The following BGN variants were observed in gnomAD, a reference collection of about 807,000 sequenced individuals.
The protein encoded by BGN is bone/cartilage proteoglycan-I.
BGN carries 6 observed loss-of-function variants against 20.0 expected under a neutral mutation model. The observed-to-expected ratio is 0.30, with a 90% confidence interval of 0.16 to 0.59. BGN has a LOEUF of 0.59. BGN is among the 20% of genes least tolerant of loss of function. The probability of loss-of-function intolerance (pLI) is 0.88; values close to 1 mark genes in which losing one functional copy is unlikely to be tolerated. For synonymous variants in BGN, 146 were observed against 134.6 expected, an observed-to-expected ratio of 1.08 and a Z score of -0.59; for missense variants, 292 against 312.1, an observed-to-expected ratio of 0.94 and a Z score of 0.49.
At position 153,509,223 on chromosome X, in the gene BGN, C is replaced by G. The variant is rs1211847948; in HGVS notation, c.*778C>G. The G allele has an allele frequency of 8.9e-6, 1 of 111,847 alleles. No homozygotes were observed. The highest frequency in any genetic ancestry group is 1.9e-5 in the Non-Finnish European group (1 of 53,529). The allele number at this position is 111,847 out of a possible 1,213,427, so 9.2% of individuals were successfully genotyped here. A position where few individuals can be genotyped will look rare whatever the true frequency, so the allele number is the denominator to read the frequency against. ...ACACCCTCTGGCCTTCTGCCTTGAGCTGGGACTGCTTTCTGTCTGTCCGGC... is the reference window on the plus strand; with the variant it reads ...ACACCCTCTGGCCTTCTGCCTTGAGGTGGGACTGCTTTCTGTCTGTCCGGC... On this transcript the variant is annotated 3_prime_UTR_variant, in exon 8 of 8. Coordinates refer to ENST00000331595, the MANE Select transcript of BGN (RefSeq NM_001711.6).
At position 153,508,292 on chromosome X, in the gene BGN, C is replaced by T. The variant is rs1357283426; in HGVS notation, c.954C>T (p.Asn318=). The change falls in exon 8 of 8, where the codon AAC becomes AAT. Residue 318 remains asparagine (N), a synonymous_variant. Transcript: ENST00000331595. ...HSNNITKVGV[N]DFCPMGFGVK... ...ACAACATCACCAAAGTGGGTGTCAA[C>T]GACTTCTGTCCCATGGGCTTCGGGG... 9.1e-6 allele frequency: 11 copies of T among 1,210,965 alleles called. No individual in the cohort carries two copies. The highest frequency in any genetic ancestry group is 1.2e-5 in the Non-Finnish European group (11 of 895,426).
chrX:153,497,818 G>A (rs939086203), intron 1 of BGN, among the ~76,000 whole-genome samples: 56 of 112,023 alleles, frequency 5.0e-4, no homozygotes, highest in African/African-American at 1.8e-3. Flanking sequence ...CCCACAGCCA[G>A]AAGCCCCTTC....
At chrX:153,505,770 C>A in intron 3 of BGN, 93 bp from the exon 4 acceptor site, 2 of 793,758 alleles carry the variant, frequency 2.5e-6, no homozygotes. Flanking sequence ...CTCCTCGAGG[C>A]CCAGTGGGCT....
intron 1 of BGN, among the ~76,000 whole-genome samples, chrX:153,498,825 G>A (rs782746030): frequency 8.9e-6 from 1 of 112,634 alleles, no homozygotes; most frequent in South Asian, 3.7e-4. Flanking sequence ...CCTGCTGGCT[G>A]TGTTGGGGCT....
At chrX:153,505,160 GT>G (rs2089790027) in intron 2 of BGN, 77 bp from the exon 3 acceptor site, 1 of 849,605 alleles carries the variant, frequency 1.2e-6, no homozygotes, top group African/African-American at 2.1e-5. Context: ...GGGCCCCTAG[GT>G]CTCGAGTTCA....
chrX:153,495,266 C>T (rs782766923), intron 1 of BGN, 153 bp downstream of exon 1: 2 of 112,019 alleles, frequency 1.8e-5, no homozygotes, highest in African/African-American at 6.5e-5. Context: ...GATCCACGCC[C>T]CTTCATCGCC....
intron 1 of BGN, among the ~76,000 whole-genome samples, chrX:153,496,950 C>T (rs1164418607): frequency 1.6e-5 from 1 of 63,975 alleles, no homozygotes; most frequent in Non-Finnish European, 2.8e-5. Context: ...CTTCCCGGGC[C>T]CACCCCCCAC....
intron 4 of BGN, 23 bp from the exon 5 acceptor site, chrX:153,506,506 G>T: frequency 1.7e-6 from 2 of 1,194,007 alleles, no homozygotes; most frequent in Non-Finnish European, 2.3e-6. Flanking sequence ...CAGGCTCCCG[G>T]GCTAATGAGG....
At position 153,507,282 on chromosome X, in the gene BGN, C is replaced by T. The variant is rs192843915; in HGVS notation, c.909+97C>T. On this transcript the variant is annotated intron_variant, in intron 7 of 7. Transcript: ENST00000331595. ...CCCTCAGTCCCCTGGCCCTCCTTCC[C>T]GACCGGCTCTGGGCATCTGCAAGGG... The T allele has an allele frequency of 6.3e-4, 660 of 1,048,984 alleles. 3 individuals are homozygous for T. In the East Asian group the frequency reaches 0.019, roughly 31 times the overall value. The allele number at this position is 1,048,984 out of a possible 1,213,427, so 86.4% of individuals were successfully genotyped here.
intron 3 of BGN, 149 bp from the exon 4 acceptor site, chrX:153,505,714 G>T (rs2089795434): frequency 3.9e-6 from 2 of 508,204 alleles, no homozygotes; most frequent in African/African-American, 4.8e-5. Flanking sequence ...ACCGGGCCTG[G>T]GTGCTGCCTC....
chrX:153,495,580 C>T (rs2089706778), intron 1 of BGN: 1 of 112,011 alleles, frequency 8.9e-6, no homozygotes, highest in South Asian at 3.8e-4. Flanking sequence ...GCGCCTGGCC[C>T]GGGTTGGGTC....
At chrX:153,502,321 C>A (rs2089766288) in intron 1 of BGN, among the ~76,000 whole-genome samples, 1 of 112,324 alleles carries the variant, frequency 8.9e-6, no homozygotes, top group Non-Finnish European at 1.9e-5. Context: ...CCAGCCCTGA[C>A]TCACTCTCCC....
intron 1 of BGN, among the ~76,000 whole-genome samples, chrX:153,496,675 A>T (rs2089717132): frequency 8.9e-6 from 1 of 111,939 alleles, no homozygotes; most frequent in South Asian, 3.7e-4. Flanking sequence ...CATTAACCCT[A>T]CCAACGCATA....
Position 153,509,109 on chromosome X carries a change from T to C in BGN, c.*664T>C. 1 of 100,036 alleles carries C rather than the reference T, an allele frequency of 1.0e-5. No homozygotes were observed. The highest frequency in any genetic ancestry group is 1.9e-5 in the Non-Finnish European group (1 of 52,009). The allele number at this position is 100,036 out of a possible 1,213,427, so 8.2% of individuals were successfully genotyped here. A position where few individuals can be genotyped will look rare whatever the true frequency, so the allele number is the denominator to read the frequency against. ...TGTGTGTGTGTGTGTGTGTGTGTCT[T>C]GTGCTTCCTCAGACCTTTCTCGCTT... On this transcript the variant is annotated 3_prime_UTR_variant, in exon 8 of 8. Coordinates refer to ENST00000331595, the MANE Select transcript of BGN (RefSeq NM_001711.6).
intron 1 of BGN, among the ~76,000 whole-genome samples, chrX:153,501,405 C>T (rs1556991870): frequency 1.8e-5 from 2 of 112,981 alleles, no homozygotes; most frequent in Non-Finnish European, 3.8e-5. Context: ...GGCTGAGGAG[C>T]ACAGCTGAGA....
At chrX:153,500,396 G>A (rs968953696) in intron 1 of BGN, among the ~76,000 whole-genome samples, 3 of 111,594 alleles carry the variant, frequency 2.7e-5, no homozygotes. Context: ...AACCCTCCCT[G>A]AAGTCCCTGA....
chrX:153,505,160 G>A, intron 2 of BGN, 78 bp from the exon 3 acceptor site: 1 of 852,374 alleles, frequency 1.2e-6, no homozygotes, highest in East Asian at 3.2e-5. Context: ...GGGCCCCTAG[G>A]TCTCGAGTTC....
chrX:153,506,538 G>T lies in BGN; in HGVS notation c.575G>T (p.Gly192Val). ...GAGGTCTCTCCCCTAGAGATGGGCG[G>T]GAACCCACTGGAGAACAGTGGCTTT... Reference protein sequence around the residue: ...LRNMNCIEMGGNPLENSGFEP... With the variant: ...LRNMNCIEMGVNPLENSGFEP... The change falls in exon 5 of 8, where the codon GGG becomes GTG. Residue 192 changes from glycine (G) to valine (V), a missense_variant. Transcript: ENST00000331595. 8.3e-7 allele frequency: 1 copy of T among 1,210,214 alleles called. No individual in the cohort carries two copies. The highest frequency in any genetic ancestry group is 1.1e-6 in the Non-Finnish European group (1 of 894,499).
At chrX:153,498,953 G>T (rs1556991294) in intron 1 of BGN, among the ~76,000 whole-genome samples, 1 of 111,858 alleles carries the variant, frequency 8.9e-6, no homozygotes, top group East Asian at 2.8e-4. Flanking sequence ...CAGCTTTGGG[G>T]CCTGTGGCAC....
Sources: gnomAD v4.1 joint callset for allele counts (sites outside exome capture counted in the v4.1 genomes callset) on GRCh38, gnomAD v4.1.1 for gene constraint, MANE v1.5 for transcripts, NCBI Gene and HGNC (gene_info 2026-07-23, HGNC 2026-07-21) for gene names.